Variants in MAD1L1 observed in about 807,000 individuals in gnomAD.
MAD1L1 encodes the protein mitotic arrest deficient 1 like 1, also known as mitotic spindle assembly checkpoint protein MAD1.
A neutral mutation model predicts 96.9 loss-of-function variants in MAD1L1; 95 were observed. That is an observed-to-expected ratio of 0.98 (90% CI 0.83 to 1.16). The LOEUF (loss-of-function observed/expected upper bound fraction) is 1.16. Among genes scored for constraint, MAD1L1 ranks in the 50% most tolerant of loss-of-function variants. The pLI is 0.00. For missense variants in MAD1L1, 1,007 were observed against 954.4 expected (o/e 1.06, Z -0.73); for synonymous variants, 473 against 396.6 (o/e 1.19, Z -2.29).
intron 12 of MAD1L1, among the ~76,000 whole-genome samples, chr7:2,063,517 T>A (rs1784752457): frequency 6.6e-6 from 1 of 152,226 alleles, no homozygotes; most frequent in Non-Finnish European, 1.5e-5. Context: ...CCAAGCTGTA[T>A]GAACACAAAA....
rs191084978 is a variant in MAD1L1, at chr7:1,867,875, G to A, written c.1998+30325C>T. The stretch of plus-strand genomic sequence containing the variant: ...TATTAAAAATAAATGGCGATGCATC[G>A]GAGGCAGTCCCTGCCCAGATGAGAG... On this transcript the variant is annotated intron_variant, in intron 18 of 18. Transcript: ENST00000265854. Among the ~76,000 whole-genome samples, 200 of 152,344 alleles carry A rather than the reference G, an allele frequency of 1.3e-3. 1 individual carries two copies. In the South Asian group the frequency reaches 0.027, roughly 21 times the overall value.
chr7:1,928,548 G>A (rs1789234504), intron 17 of MAD1L1, among the ~76,000 whole-genome samples: 1 of 152,246 alleles, frequency 6.6e-6, no homozygotes. Flanking sequence ...ATCTCAGCTT[G>A]GCACAGGACT....
At chr7:1,839,128 G>A (rs1421870403) in intron 18 of MAD1L1, among the ~76,000 whole-genome samples, 1 of 152,224 alleles carries the variant, frequency 6.6e-6, no homozygotes, top group Non-Finnish European at 1.5e-5. Flanking sequence ...AGAGCAACAG[G>A]GAGGCCCTCC....
intron 10 of MAD1L1, among the ~76,000 whole-genome samples, chr7:2,174,794 G>A (rs1744920279): frequency 6.6e-6 from 1 of 152,136 alleles, no homozygotes; most frequent in Non-Finnish European, 1.5e-5. Context: ...ATGCTTATGA[G>A]AGGTTTCTTC....
At chr7:1,898,119 T>C in intron 18 of MAD1L1, 81 bp downstream of exon 18, 1 of 1,444,688 alleles carries the variant, frequency 6.9e-7, no homozygotes, top group Non-Finnish European at 9.5e-7. Flanking sequence ...GCTGCTCCTT[T>C]GCTGAGGGCT....
chr7:2,074,031 C>T (rs1233894088), intron 11 of MAD1L1, among the ~76,000 whole-genome samples: 1 of 152,292 alleles, frequency 6.6e-6, no homozygotes, highest in Admixed American at 6.5e-5. Context: ...GGAGACGACA[C>T]TGTGGAATGC....
intron 16 of MAD1L1, among the ~76,000 whole-genome samples, chr7:1,946,872 G>A (rs1434401264): frequency 6.6e-6 from 1 of 152,240 alleles, no homozygotes; most frequent in Non-Finnish European, 1.5e-5. Flanking sequence ...GCCCACACCT[G>A]TGCCTCCAGG....
chr7:1,820,377 G>A (rs1782060650), intron 18 of MAD1L1, among the ~76,000 whole-genome samples: 1 of 152,074 alleles, frequency 6.6e-6, no homozygotes, highest in African/African-American at 2.4e-5. Context: ...AGAAACGAAG[G>A]GAAAAACAAG....
intron 17 of MAD1L1, among the ~76,000 whole-genome samples, chr7:1,916,969 G>A (rs1788443782): frequency 6.6e-6 from 1 of 152,116 alleles, no homozygotes; most frequent in African/African-American, 2.4e-5. Context: ...GGCTGGCAGA[G>A]GACACGGCTT....
chr7:2,044,870 G>A (rs1783850305), intron 12 of MAD1L1, among the ~76,000 whole-genome samples: 1 of 152,024 alleles, frequency 6.6e-6, no homozygotes, highest in African/African-American at 2.4e-5. Context: ...GTGTAGACAG[G>A]GGAGCCCAGG....
intron 16 of MAD1L1, among the ~76,000 whole-genome samples, chr7:1,941,581 C>G (rs1204072485): frequency 6.6e-6 from 1 of 152,048 alleles, no homozygotes; most frequent in Non-Finnish European, 1.5e-5. Context: ...GCCACCGTGT[C>G]CGGGCTGGGA....
At chr7:2,055,661 C>A (rs1390610467) in intron 12 of MAD1L1, among the ~76,000 whole-genome samples, 2 of 136,708 alleles carry the variant, frequency 1.5e-5, no homozygotes, top group South Asian at 2.6e-4. Flanking sequence ...CACAGAGAGA[C>A]CCTGTCTCAA....
chr7:1,819,836 A>G (rs1051453670), intron 18 of MAD1L1, among the ~76,000 whole-genome samples: 8 of 152,076 alleles, frequency 5.3e-5, no homozygotes, highest in African/African-American at 1.9e-4. Flanking sequence ...CCAAGGGGGA[A>G]GTGTGAGGGA....
intron 18 of MAD1L1, among the ~76,000 whole-genome samples, chr7:1,857,197 G>A (rs1252351752): frequency 4.6e-5 from 7 of 152,338 alleles, no homozygotes; most frequent in African/African-American, 7.2e-5. Context: ...GGACCGTACT[G>A]GCACCTTCCC....
At chr7:1,890,679 C>T (rs955403969) in intron 18 of MAD1L1, among the ~76,000 whole-genome samples, 3 of 152,196 alleles carry the variant, frequency 2.0e-5, no homozygotes, top group Non-Finnish European at 2.9e-5. Context: ...ACAGGTATGT[C>T]GGGGAGAGGA....
At chr7:2,049,256 T>C (rs1388969620) in intron 12 of MAD1L1, among the ~76,000 whole-genome samples, 1 of 152,182 alleles carries the variant, frequency 6.6e-6, no homozygotes, top group Non-Finnish European at 1.5e-5. Context: ...ACAGGTTTTC[T>C]GATTCCAGCT....
In MAD1L1 at chr7:2,104,773, A is replaced by T. The variant is rs149446179; in HGVS notation, c.1074-35435T>A. On this transcript the variant is annotated intron_variant, in intron 11 of 18. Coordinates refer to ENST00000265854, the MANE Select transcript of MAD1L1 (RefSeq NM_001013836.2). ...TTGCCATGAAAGACCTCACTGCCAA[A>T]TCCCACTTTAATTATCTGAGCACAG... Among the ~76,000 whole-genome samples, 284 of 152,234 alleles carry T rather than the reference A, an allele frequency of 1.9e-3. 1 individual carries two copies. Among genetic ancestry groups the T allele is most frequent in the African/African-American group, 6.7e-3 (278 of 41,554 alleles).
intron 11 of MAD1L1, among the ~76,000 whole-genome samples, chr7:2,139,312 A>C (rs1584410633): frequency 3.7e-5 from 5 of 136,462 alleles, no homozygotes; most frequent in East Asian, 2.1e-4. Context: ...ACCCTAGCTC[A>C]CGGGACCACC....
chr7:1,945,356 G>A (rs1356799820), intron 16 of MAD1L1, among the ~76,000 whole-genome samples: 1 of 152,256 alleles, frequency 6.6e-6, no homozygotes, highest in East Asian at 1.9e-4. Context: ...CTGAATGAAT[G>A]CATGATGATG....
Sources: allele counts gnomAD v4.1 joint callset (sites outside exome capture counted in the v4.1 genomes callset), GRCh38; gene constraint gnomAD v4.1.1; transcripts MANE v1.5; gene names NCBI Gene and HGNC (gene_info 2026-07-23, HGNC 2026-07-21).